CTBP2: variants seen among roughly 807,000 people sequenced by gnomAD.
CTBP2 encodes C-terminal binding protein 2.
CTBP2 carries 30 observed loss-of-function variants against 80.3 expected under a neutral mutation model. The observed-to-expected ratio is 0.37, with a 90% confidence interval of 0.28 to 0.51. CTBP2 has a LOEUF of 0.51. Ranked by LOEUF, CTBP2 falls within the 20% of genes least tolerant of loss-of-function variation. The pLI, the probability that CTBP2 is intolerant of heterozygous loss-of-function variation, is 0.93. For synonymous variants in CTBP2, 594 were observed against 587.4 expected, an observed-to-expected ratio of 1.01 and a Z score of -0.16; for missense variants, 1,212 against 1,375.3, an observed-to-expected ratio of 0.88 and a Z score of 1.88.
At chr10:125,016,125 G>T (rs1224382550) in intron 1 of CTBP2, among the ~76,000 whole-genome samples, 2 of 152,236 alleles carry the variant, frequency 1.3e-5, no homozygotes, top group Non-Finnish European at 2.9e-5. Context: ...GGGACCCTTT[G>T]GTGGGTCCCG....
chr10:125,106,765 C>T (rs576595137), intron 2 of CTBP2, among the ~76,000 whole-genome samples: 29 of 152,224 alleles, frequency 1.9e-4, no homozygotes, highest in Non-Finnish European at 4.0e-4. Flanking sequence ...AAAATTCAGG[C>T]CTTCTGCCTG....
rs1267017552 is a variant in CTBP2, at chr10:124,986,318, C to CAG, written c.*3199_*3200insCT. The CAG allele has an allele frequency of 6.6e-6, 1 of 152,012 alleles. No homozygotes were observed. Among genetic ancestry groups the CAG allele is most frequent in the Non-Finnish European group, 1.5e-5 (1 of 67,872 alleles). 9.4% of individuals were successfully genotyped at this position (152,012 alleles called of 1,614,324 possible). A position where few individuals can be genotyped will look rare whatever the true frequency, so the allele number is the denominator to read the frequency against. ...ACACACACACACACACACACACACA[C>CAG]ACACAGTTTTTTCCTTCCCTGTGAT... On this transcript the variant is annotated 3_prime_UTR_variant, in exon 9 of 9. Coordinates refer to ENST00000309035, the MANE Select transcript of CTBP2 (RefSeq NM_022802.3).
intron 2 of CTBP2, among the ~76,000 whole-genome samples, chr10:125,051,456 A>G (rs1962732212): frequency 6.6e-6 from 1 of 152,210 alleles, no homozygotes. Flanking sequence ...CCTGGCCAAC[A>G]TGGCAAAACC....
Position 124,987,215 on chromosome 10 carries a change from AGAT to A in CTBP2, c.*2300_*2302del, listed in dbSNP as rs941969968. ...AAGATAGAATATAGTCCTTTTTCAA[AGAT>A]GATTATACGTGGCTAGGTGACAGAC... On this transcript the variant is annotated 3_prime_UTR_variant, in exon 9 of 9. Coordinates refer to ENST00000309035, the MANE Select transcript of CTBP2 (RefSeq NM_022802.3). 5.2e-5 allele frequency: 8 copies of A among 152,586 alleles called. No homozygotes were observed. The highest frequency in any genetic ancestry group is 1.9e-4 in the African/African-American group (8 of 41,420). The allele number at this position is 152,586 out of a possible 1,614,324, so 9.5% of individuals were successfully genotyped here. A position where few individuals can be genotyped will look rare whatever the true frequency, so the allele number is the denominator to read the frequency against.
Position 125,026,731 on chromosome 10 carries a change from G to T in CTBP2, c.1029C>A (p.Ser343Arg), listed in dbSNP as rs998106129. 6.2e-7 allele frequency: 1 copy of T among 1,612,918 alleles called. No individual in the cohort carries two copies. The highest frequency in any genetic ancestry group is 1.7e-5 in the Admixed American group (1 of 60,024). The stretch of plus-strand genomic sequence containing the variant: ...CGGTCCTGCAGCTATTGGCCAGGCG[G>T]CTCAGAACACGGGCCTGGCCCAGGT... Residue 343 changes from serine to arginine, a missense_variant, in exon 1 of 9, where the codon AGC becomes AGA. Physicochemically the swap from Ser to Arg is moderately radical, Grantham distance 110. Transcript: ENST00000309035.
At chr10:125,070,317 C>T (rs1845270698) in intron 2 of CTBP2, among the ~76,000 whole-genome samples, 1 of 152,026 alleles carries the variant, frequency 6.6e-6, no homozygotes, top group Non-Finnish European at 1.5e-5. Context: ...TGCCACTGCA[C>T]TCCAGCCTGA....
intron 8 of CTBP2, among the ~76,000 whole-genome samples, chr10:124,991,068 C>T (rs969190363): frequency 2.6e-5 from 4 of 152,260 alleles, no homozygotes; most frequent in African/African-American, 4.8e-5. Context: ...GCTGGGGGCC[C>T]GCCTTCCTCG....
chr10:125,161,504 C>G (rs1343604161), upstream of CTBP2, among the ~76,000 whole-genome samples: 1 of 152,124 alleles, frequency 6.6e-6, no homozygotes, highest in South Asian at 2.1e-4. Flanking sequence ...CCAACTTCCT[C>G]CTGGTGCCCC....
chr10:125,149,103 AG>A (rs1276792485), intron 1 of CTBP2, among the ~76,000 whole-genome samples: 1 of 152,174 alleles, frequency 6.6e-6, no homozygotes, highest in Non-Finnish European at 1.5e-5. Flanking sequence ...CCCAGCGCAA[AG>A]GATCCCTGAA....
intron 1 of CTBP2, among the ~76,000 whole-genome samples, chr10:125,117,271 A>G (rs1203145262): frequency 1.3e-5 from 2 of 152,196 alleles, no homozygotes; most frequent in Non-Finnish European, 2.9e-5. Context: ...GGAAGAGGTC[A>G]TGTGCAGTCC....
At chr10:125,134,640 G>A (rs1382753259) in intron 1 of CTBP2, among the ~76,000 whole-genome samples, 1 of 152,092 alleles carries the variant, frequency 6.6e-6, no homozygotes, top group Non-Finnish European at 1.5e-5. Context: ...TTCTGCCCCC[G>A]CACCACAGCA....
intron 2 of CTBP2, among the ~76,000 whole-genome samples, chr10:125,063,573 C>T (rs1022717056): frequency 6.6e-6 from 1 of 152,220 alleles, no homozygotes; most frequent in African/African-American, 2.4e-5. Flanking sequence ...TCCTCTGGCT[C>T]CCCTACAGTA....
intron 1 of CTBP2, among the ~76,000 whole-genome samples, chr10:125,119,829 C>T (rs916778626): frequency 6.6e-6 from 1 of 152,184 alleles, no homozygotes; most frequent in South Asian, 2.1e-4. Flanking sequence ...GCTGTGAGCT[C>T]CTGTCAGGAG....
At chr10:125,082,450 T>C (rs1847311828) in intron 2 of CTBP2, among the ~76,000 whole-genome samples, 2 of 152,148 alleles carry the variant, frequency 1.3e-5, no homozygotes, top group African/African-American at 2.4e-5. Context: ...CCCACTAAAA[T>C]CAATTATTAA....
At chr10:125,062,453 G>A (rs549867686) in intron 2 of CTBP2, among the ~76,000 whole-genome samples, 29 of 78,680 alleles carry the variant, frequency 3.7e-4, no homozygotes, top group Middle Eastern at 0.011. Flanking sequence ...TGTAACGTGG[G>A]GACAACTCTG....
In CTBP2 at chr10:124,985,695, A is replaced by ATATT. The variant is rs1473952607; in HGVS notation, c.*3819_*3822dup. 2 of 152,512 alleles carry ATATT rather than the reference A, an allele frequency of 1.3e-5. No homozygotes were observed. Among genetic ancestry groups the ATATT allele is most frequent in the Non-Finnish European group, 2.9e-5 (2 of 68,032 alleles). The allele number at this position is 152,512 out of a possible 1,614,324, so 9.4% of individuals were successfully genotyped here. ...TGATATGCCCCCTTTCAATATTTAG[A>ATATT]TATTTATTTGTTGGGAAGAATACCT... On this transcript the variant is annotated 3_prime_UTR_variant, in exon 9 of 9. Coordinates refer to ENST00000309035, the MANE Select transcript of CTBP2 (RefSeq NM_022802.3).
At chr10:124,993,143 C>A in intron 7 of CTBP2, 59 bp downstream of exon 9, 1 of 1,545,760 alleles carries the variant, frequency 6.5e-7, no homozygotes. Flanking sequence ...AGGACAGGAG[C>A]CGGCTGCACT....
chr10:125,026,209 T>C lies in CTBP2; in HGVS notation c.1551A>G (p.Ala517=), dbSNP rs746035041. Residue 517 remains alanine (A), a synonymous_variant, in exon 1 of 9, where the codon GCA becomes GCG. Transcript: ENST00000309035. Reference sequence around the variant, plus strand: ...GCGGCAGGGTGGATGGCCCCAGGGGTGCACCTGGCTTCCGCAAGACCTGGG... The same window carrying C: ...GCGGCAGGGTGGATGGCCCCAGGGGCGCACCTGGCTTCCGCAAGACCTGGG... The C allele has an allele frequency of 2.5e-6, 4 of 1,613,110 alleles. No homozygotes were observed. In the South Asian group the frequency reaches 3.3e-5, roughly 13 times the overall value.
chr10:125,101,921 AG>A (rs1450504927), intron 2 of CTBP2, among the ~76,000 whole-genome samples: 14 of 152,170 alleles, frequency 9.2e-5, no homozygotes, highest in African/African-American at 3.1e-4. Context: ...TGGTGAAGTC[AG>A]GGCCTTCAGT....
Sources: gnomAD v4.1 joint callset for allele counts (sites outside exome capture counted in the v4.1 genomes callset) on GRCh38, gnomAD v4.1.1 for gene constraint, MANE v1.5 for transcripts, NCBI Gene and HGNC (gene_info 2026-07-23, HGNC 2026-07-21) for gene names.